TNRC6C: variants seen among roughly 807,000 people sequenced by gnomAD.
TNRC6C encodes trinucleotide repeat containing adaptor 6C.
In TNRC6C, 20 loss-of-function variants were observed where a neutral mutation model predicts 153.7. The observed-to-expected ratio is 0.13, with a 90% CI of 0.09 to 0.19. The LOEUF (loss-of-function observed/expected upper bound fraction) is 0.19. Ranked by LOEUF, TNRC6C falls within the 10% of genes least tolerant of loss-of-function variation. The pLI, the probability that TNRC6C is intolerant of heterozygous loss-of-function variation, is 1.00. For missense variants in TNRC6C, 1,987 were observed against 2,172.0 expected (o/e 0.91, Z 1.69); for synonymous variants, 811 against 841.4 (o/e 0.96, Z 0.63).
At chr17:77,960,732 A>T (rs1021188988) in intron 1 of TNRC6C, among the ~76,000 whole-genome samples, 2 of 152,180 alleles carry the variant, frequency 1.3e-5, no homozygotes, top group African/African-American at 4.8e-5. Context: ...AGAGGTGGCA[A>T]TGGTCTTTGA....
At chr17:78,024,950 C>A (rs540938979) in intron 1 of TNRC6C, among the ~76,000 whole-genome samples, 1 of 151,408 alleles carries the variant, frequency 6.6e-6, no homozygotes. Flanking sequence ...TGCGCCATGA[C>A]GCCCAGCTAA....
intron 1 of TNRC6C, among the ~76,000 whole-genome samples, chr17:78,024,567 A>G (rs1472947892): frequency 6.6e-6 from 1 of 151,858 alleles, no homozygotes; most frequent in Admixed American, 6.6e-5. Flanking sequence ...GGGTTTCACC[A>G]TGTTAGCCAG....
chr17:78,105,634 AG>A (rs1567972378), exon 20 of TNRC6C: 1 of 151,462 alleles, frequency 6.6e-6, no homozygotes, highest in African/African-American at 2.4e-5. Flanking sequence ...TTGAAACAGA[AG>A]TGTGTGTGTG....
intron 1 of TNRC6C, among the ~76,000 whole-genome samples, chr17:77,959,949 G>T (rs964324967): frequency 6.6e-6 from 1 of 152,202 alleles, no homozygotes; most frequent in African/African-American, 2.4e-5. Flanking sequence ...AGATGTGGAT[G>T]TGGGGGTTCC....
At chr17:78,099,747 A>G (rs981493771) in intron 17 of TNRC6C, among the ~76,000 whole-genome samples, 9 of 152,148 alleles carry the variant, frequency 5.9e-5, no homozygotes, top group African/African-American at 1.9e-4. Context: ...AAAACCAATC[A>G]TGCCTTCCCA....
intron 2 of TNRC6C, among the ~76,000 whole-genome samples, chr17:78,033,765 C>CA (rs1417823872): frequency 1.3e-5 from 2 of 152,052 alleles, no homozygotes; most frequent in Non-Finnish European, 2.9e-5. Flanking sequence ...GAAAACATCT[C>CA]AAAAAATTGA....
chr17:78,021,551 T>C (rs566012881), intron 1 of TNRC6C, among the ~76,000 whole-genome samples: 13 of 152,272 alleles, frequency 8.5e-5, no homozygotes, highest in Non-Finnish European at 1.3e-4. Context: ...AGAGGAGACA[T>C]GGAATAGGTT....
chr17:78,005,803 T>A (rs2071486280), intron 1 of TNRC6C, among the ~76,000 whole-genome samples: 1 of 152,190 alleles, frequency 6.6e-6, no homozygotes, highest in South Asian at 2.1e-4. Flanking sequence ...AGGTAGTGAA[T>A]GGTTCCTACC....
At chr17:78,057,816 A>T (rs1313766223) in intron 3 of TNRC6C, among the ~76,000 whole-genome samples, 1 of 149,880 alleles carries the variant, frequency 6.7e-6, no homozygotes, top group African/African-American at 2.5e-5. Context: ...TGATTTCTGA[A>T]TTACATTTTT....
intron 3 of TNRC6C, among the ~76,000 whole-genome samples, chr17:78,053,589 A>AT (rs2072582323): frequency 6.6e-6 from 1 of 151,734 alleles, no homozygotes; most frequent in Admixed American, 6.6e-5. Context: ...AGATGGGGCC[A>AT]TTGCACTCCA....
At chr17:77,986,406 T>TC (rs1425255523) in intron 1 of TNRC6C, among the ~76,000 whole-genome samples, 1 of 91,764 alleles carries the variant, frequency 1.1e-5, no homozygotes, top group African/African-American at 4.5e-5. Context: ...AGAGTGAAAC[T>TC]CCATCTCAAA....
Position 78,089,705 on chromosome 17 carries a change from G to GAT in TNRC6C, c.3803-1735_3803-1734insAT, listed in dbSNP as rs550334098. ...ACCAGTGTCATGTGATTCTTACAGGGCTCTAGAGAAGGAAAAGTTCACTTT... is the reference window on the plus strand; with the variant it reads ...ACCAGTGTCATGTGATTCTTACAGGGATCTCTAGAGAAGGAAAAGTTCACTTT... On this transcript the variant is annotated intron_variant, in intron 13 of 19. Transcript: ENST00000301624. Among the ~76,000 whole-genome samples the GAT allele has an allele frequency of 2.2e-4, 33 of 152,170 alleles. No homozygotes were observed. The East Asian group carries it at 6.2e-3, about 29-fold the overall frequency.
chr17:78,064,626 A>G (rs2072835527), intron 3 of TNRC6C, 96 bp from the exon 6 acceptor site: 17 of 1,175,810 alleles, frequency 1.4e-5, no homozygotes, highest in Non-Finnish European at 2.0e-5. Context: ...AGGATAGATT[A>G]TCTTGAAATT....
At chr17:78,093,980 T>C (rs1022919580) in intron 16 of TNRC6C, among the ~76,000 whole-genome samples, 3 of 148,086 alleles carry the variant, frequency 2.0e-5, no homozygotes, top group African/African-American at 7.7e-5. Flanking sequence ...TTATTATTAT[T>C]ACTTTTTTTT....
chr17:78,075,483 A>G lies in TNRC6C; in HGVS notation c.3060+205A>G, dbSNP rs1567953462. ...TAAGATGTTACTGAGAATGAAAAAGACTGGGATTGAAAACTGATTTTCATA... is the reference window on the plus strand; with the variant it reads ...TAAGATGTTACTGAGAATGAAAAAGGCTGGGATTGAAAACTGATTTTCATA... On this transcript the variant is annotated intron_variant, in intron 8 of 19. Transcript: ENST00000301624. This position sits in a 1 kb window ranked among gnomAD's most constrained non-coding sequence, Gnocchi z 4.2. The G allele has an allele frequency of 1.6e-6, 1 of 631,260 alleles. No individual in the cohort carries two copies. Among genetic ancestry groups the G allele is most frequent in the East Asian group, 2.9e-5 (1 of 34,754 alleles). The allele number at this position is 631,260 out of a possible 1,614,324, so 39.1% of individuals were successfully genotyped here. A position where few individuals can be genotyped will look rare whatever the true frequency, so the allele number is the denominator to read the frequency against.
At chr17:78,093,294 T>C in intron 15 of TNRC6C, 170 bp downstream of exon 17, 1 of 829,006 alleles carries the variant, frequency 1.2e-6, no homozygotes, top group South Asian at 1.8e-5. Context: ...CAATTTTGGG[T>C]ATGGTTAGCA....
At chr17:78,095,023 T>C (rs181107439) in intron 16 of TNRC6C, among the ~76,000 whole-genome samples, 66 of 152,292 alleles carry the variant, frequency 4.3e-4, no homozygotes, top group African/African-American at 1.4e-3. Flanking sequence ...TCACACCTGG[T>C]GGGGCACCAG....
intron 10 of TNRC6C, among the ~76,000 whole-genome samples, chr17:78,082,844 C>T (rs922038488): frequency 6.6e-6 from 1 of 152,212 alleles, no homozygotes; most frequent in South Asian, 2.1e-4. Flanking sequence ...GCAGCCCAAC[C>T]TTGCATTGTC....
chr17:78,067,230 T>C (rs2072899514), intron 4 of TNRC6C, among the ~76,000 whole-genome samples: 1 of 152,018 alleles, frequency 6.6e-6, no homozygotes, highest in South Asian at 2.1e-4. Context: ...CCTGTAGTCC[T>C]AGCTACTTGA....
Sources: gnomAD v4.1 joint callset for allele counts (sites outside exome capture counted in the v4.1 genomes callset) on GRCh38, gnomAD v4.1.1 for gene constraint, Gnocchi (gnomAD v3.1) non-coding constraint, MANE v1.5 for transcripts, NCBI Gene and HGNC (gene_info 2026-07-23, HGNC 2026-07-21) for gene names.